SGCZ: variants seen among roughly 807,000 people sequenced by gnomAD.
The protein encoded by SGCZ is zeta-sarcoglycan.
Under a neutral mutation model 41.3 loss-of-function variants are expected in SGCZ, and 40 were observed. That is an observed-to-expected ratio of 0.97 (90% CI 0.75 to 1.26). The LOEUF (loss-of-function observed/expected upper bound fraction) is 1.26, where lower values mean the gene tolerates loss of function less well. Ranked by LOEUF, SGCZ falls within the 50% of genes most tolerant of loss-of-function variation. The probability of loss-of-function intolerance (pLI) is 0.00; values close to 1 mark genes in which losing one functional copy is unlikely to be tolerated. For missense variants in SGCZ, 552 were observed against 369.8 expected, an observed-to-expected ratio of 1.49 and a Z score of -4.04; for synonymous variants, 206 against 137.5, an observed-to-expected ratio of 1.50 and a Z score of -3.49.
intron 1 of SGCZ, among the ~76,000 whole-genome samples, chr8:14,748,500 C>T (rs1223094189): frequency 1.3e-5 from 2 of 152,066 alleles, no homozygotes; most frequent in African/African-American, 2.4e-5. Context: ...TACTGTGACA[C>T]CATAAGGACT....
chr8:15,125,558 G>A (rs1363021260), intron 1 of SGCZ, among the ~76,000 whole-genome samples: 1 of 151,950 alleles, frequency 6.6e-6, no homozygotes, highest in Non-Finnish European at 1.5e-5. Context: ...TCGATTTGCA[G>A]GCTCACATGT....
At chr8:14,137,456 T>C (rs1479450397) in intron 5 of SGCZ, among the ~76,000 whole-genome samples, 1 of 152,146 alleles carries the variant, frequency 6.6e-6, no homozygotes, top group African/African-American at 2.4e-5. Flanking sequence ...AATGGCTAAC[T>C]AGAATAAACA....
intron 1 of SGCZ, among the ~76,000 whole-genome samples, chr8:14,648,759 T>C (rs1298114181): frequency 1.3e-5 from 2 of 152,072 alleles, no homozygotes; most frequent in Admixed American, 6.6e-5. Context: ...TAGTTCAGAC[T>C]ACATAAAAAC....
At chr8:14,260,254 A>G (rs941641204) in intron 3 of SGCZ, among the ~76,000 whole-genome samples, 1 of 152,030 alleles carries the variant, frequency 6.6e-6, no homozygotes, top group East Asian at 1.9e-4. Flanking sequence ...TTACAAGCAA[A>G]AAACAAACAA....
chr8:14,428,279 G>A (rs141072978), intron 2 of SGCZ, among the ~76,000 whole-genome samples: 154 of 151,146 alleles, frequency 1.0e-3, no homozygotes, highest in African/African-American at 3.1e-3. Context: ...TATAATAAAC[G>A]TTCATATACA....
intron 1 of SGCZ, among the ~76,000 whole-genome samples, chr8:15,083,604 A>T (rs973000811): frequency 2.5e-4 from 38 of 152,242 alleles, no homozygotes; most frequent in Non-Finnish European, 4.0e-4. Flanking sequence ...GCTGGAGTCC[A>T]GTGGTTCTAT....
chr8:14,655,828 T>A (rs1311906991), intron 1 of SGCZ, among the ~76,000 whole-genome samples: 1 of 152,080 alleles, frequency 6.6e-6, no homozygotes, highest in East Asian at 1.9e-4. Context: ...TAGAATGTTG[T>A]CATTTAGGAG....
At chr8:15,047,696 CTAT>C (rs1189955096) in intron 1 of SGCZ, among the ~76,000 whole-genome samples, 1 of 151,990 alleles carries the variant, frequency 6.6e-6, no homozygotes, top group African/African-American at 2.4e-5. Flanking sequence ...TGAGAACATT[CTAT>C]TATTATTGTC....
At chr8:14,239,734 C>G (rs4623422) in intron 3 of SGCZ, among the ~76,000 whole-genome samples, 33,985 of 149,722 alleles carry the variant, frequency 0.23, 4,787 homozygotes, top group South Asian at 0.41. Flanking sequence ...AACCCCGTCT[C>G]TACTAAAAAT....
chr8:14,169,360 T>A (rs912545267), intron 4 of SGCZ, among the ~76,000 whole-genome samples: 4 of 152,168 alleles, frequency 2.6e-5, no homozygotes, highest in African/African-American at 9.7e-5. Flanking sequence ...AACACCATTT[T>A]CAATTCCTCC....
intron 1 of SGCZ, among the ~76,000 whole-genome samples, chr8:14,975,595 G>C (rs969574694): frequency 2.0e-5 from 3 of 151,974 alleles, no homozygotes; most frequent in African/African-American, 7.3e-5. Context: ...AGCTTCCACT[G>C]ACAGATATTA....
intron 2 of SGCZ, among the ~76,000 whole-genome samples, chr8:14,548,004 A>G (rs898177533): frequency 6.6e-6 from 1 of 152,226 alleles, no homozygotes; most frequent in Non-Finnish European, 1.5e-5. Context: ...ACCTTTGTGA[A>G]GATGGAAGGG....
Position 14,772,623 on chromosome 8 carries a change from C to T in SGCZ, c.40-217697G>A, listed in dbSNP as rs1349708622. Among the ~76,000 whole-genome samples, 5 of 142,354 alleles carry T rather than the reference C, an allele frequency of 3.5e-5. No homozygotes were observed. In the Admixed American group the frequency reaches 3.7e-4, roughly 11 times the overall value. The allele number at this position is 142,354 out of a possible 152,430, so 93.4% of individuals were successfully genotyped here. A position where few individuals can be genotyped will look rare whatever the true frequency, so the allele number is the denominator to read the frequency against. ...TCCCCAGAGTGTGATGTTCCCCTTCCTGGGTCCATGTGTTCTCACTGTTCA... is the reference window on the plus strand; with the variant it reads ...TCCCCAGAGTGTGATGTTCCCCTTCTTGGGTCCATGTGTTCTCACTGTTCA... On this transcript the variant is annotated intron_variant, in intron 1 of 7. Coordinates refer to ENST00000382080, the MANE Select transcript of SGCZ (RefSeq NM_139167.4).
intron 1 of SGCZ, among the ~76,000 whole-genome samples, chr8:14,826,302 A>G (rs560736320): frequency 6.4e-4 from 98 of 152,174 alleles, no homozygotes; most frequent in African/African-American, 2.3e-3. Flanking sequence ...CATGGTGTAT[A>G]TGTGCCACAT....
At chr8:14,354,941 G>A (rs1310915049) in intron 2 of SGCZ, among the ~76,000 whole-genome samples, 1 of 151,806 alleles carries the variant, frequency 6.6e-6, no homozygotes, top group Non-Finnish European at 1.5e-5. Flanking sequence ...GGATCTGGAT[G>A]TATTGCTAAG....
intron 1 of SGCZ, among the ~76,000 whole-genome samples, chr8:14,813,720 G>C (rs1046883306): frequency 6.6e-6 from 1 of 152,152 alleles, no homozygotes; most frequent in Admixed American, 6.5e-5. Flanking sequence ...CGGAGAGGGA[G>C]GTGGGCAGAT....
At chr8:14,106,213 G>A (rs1585139168) in intron 6 of SGCZ, among the ~76,000 whole-genome samples, 1 of 152,168 alleles carries the variant, frequency 6.6e-6, no homozygotes, top group East Asian at 1.9e-4. Flanking sequence ...GATAAACAAG[G>A]CAGATGTGTA....
At chr8:14,602,823 C>A (rs1805635629) in intron 1 of SGCZ, among the ~76,000 whole-genome samples, 1 of 152,106 alleles carries the variant, frequency 6.6e-6, no homozygotes. Flanking sequence ...CTTCTAATCA[C>A]CACCTCTCAG....
chr8:14,596,062 G>A (rs575947863), intron 1 of SGCZ, among the ~76,000 whole-genome samples: 130 of 152,328 alleles, frequency 8.5e-4, no homozygotes, highest in African/African-American at 3.0e-3. Flanking sequence ...ACCTGCCACC[G>A]TCAGATAGAT....
Sources: gnomAD v4.1 joint callset for allele counts (sites outside exome capture counted in the v4.1 genomes callset) on GRCh38, gnomAD v4.1.1 for gene constraint, MANE v1.5 for transcripts, NCBI Gene and HGNC (gene_info 2026-07-23, HGNC 2026-07-21) for gene names.